The following PTAFR variants were observed in gnomAD, a reference collection of about 807,000 sequenced individuals.
The protein encoded by PTAFR is platelet-activating factor receptor.
Under a neutral mutation model 14.7 loss-of-function variants are expected in PTAFR, and 8 were observed. The ratio of observed to expected loss-of-function variants is 0.54; its 90% CI spans 0.32 to 0.98. The LOEUF is 0.98. PTAFR is among the 50% of genes least tolerant of loss of function. PTAFR has a pLI of 0.04. For missense variants in PTAFR, 337 were observed against 451.2 expected (o/e 0.75, Z 2.29); for synonymous variants, 156 against 176.5 (o/e 0.88, Z 0.92).
chr1:28,172,560 G>A (rs1348320640), intron 1 of PTAFR, among the ~76,000 whole-genome samples: 1 of 152,174 alleles, frequency 6.6e-6, no homozygotes, highest in African/African-American at 2.4e-5. Context: ...CCTTCCTCAC[G>A]GGGTGGTTGT....
At position 28,149,954 on chromosome 1, in the gene PTAFR, T is replaced by C. The variant is rs778112817; in HGVS notation, c.*39A>G. 1 of 1,575,136 alleles carries C rather than the reference T, an allele frequency of 6.3e-7. No individual in the cohort carries two copies. Among genetic ancestry groups the C allele is most frequent in the Non-Finnish European group, 8.6e-7 (1 of 1,157,602 alleles). ...CTTCTTCCCCCAGCTCAGTCCATGATGTTCATGGAGGAGAAGACTTCAGGC... is the reference window on the plus strand; with the variant it reads ...CTTCTTCCCCCAGCTCAGTCCATGACGTTCATGGAGGAGAAGACTTCAGGC... On this transcript the variant is annotated 3_prime_UTR_variant, in exon 2 of 2. Transcript: ENST00000373857.
chr1:28,162,835 A>AT (rs1179192848), intron 1 of PTAFR, among the ~76,000 whole-genome samples: 1 of 150,112 alleles, frequency 6.7e-6, no homozygotes, highest in Admixed American at 6.6e-5. Flanking sequence ...TCTCCAAAAA[A>AT]AAAAAAAAAA....
upstream of PTAFR, among the ~76,000 whole-genome samples, chr1:28,181,567 A>C (rs1004439393): frequency 6.6e-6 from 1 of 152,002 alleles, no homozygotes; most frequent in African/African-American, 2.4e-5. Flanking sequence ...AACATGGAGA[A>C]ACCCCGTCTC....
At chr1:28,183,743 G>C (rs909622913) in intron 1 of PTAFR, among the ~76,000 whole-genome samples, 4 of 151,930 alleles carry the variant, frequency 2.6e-5, no homozygotes, top group African/African-American at 9.7e-5. Flanking sequence ...AAAATTAGCC[G>C]GGCGTGGTGG....
chr1:28,161,835 T>G (rs1646327550), intron 1 of PTAFR, among the ~76,000 whole-genome samples: 1 of 152,180 alleles, frequency 6.6e-6, no homozygotes, highest in Non-Finnish European at 1.5e-5. Flanking sequence ...TGTATAAGCT[T>G]TAGTAACCTA....
At chr1:28,168,053 G>A (rs1646408819) in intron 1 of PTAFR, among the ~76,000 whole-genome samples, 1 of 145,116 alleles carries the variant, frequency 6.9e-6, no homozygotes, top group Non-Finnish European at 1.5e-5. Context: ...CCGCCTCCCG[G>A]GTTCACGCCA....
intron 1 of PTAFR, among the ~76,000 whole-genome samples, chr1:28,165,737 C>T (rs1484516527): frequency 6.6e-6 from 1 of 151,768 alleles, no homozygotes. Context: ...GAGCCGAGAT[C>T]GTGCCACTGC....
intron 1 of PTAFR, among the ~76,000 whole-genome samples, chr1:28,151,546 TG>T: frequency 6.6e-6 from 1 of 152,022 alleles, no homozygotes; most frequent in South Asian, 2.1e-4. Flanking sequence ...GAGGGTGGAA[TG>T]GGATTAGCAC....
In PTAFR at chr1:28,150,221, G is replaced by C; in HGVS notation, c.801C>G (p.Phe267Leu). 1 of 1,613,750 alleles carries C rather than the reference G, an allele frequency of 6.2e-7. No individual in the cohort carries two copies. The highest frequency in any genetic ancestry group is 8.5e-7 in the Non-Finnish European group (1 of 1,179,686). The part of the protein sequence containing the change: ...LAELGFQDSK[F>L]HQAINDAHQV... Reference sequence around the variant, plus strand: ...GATGTGCATCATTAATGGCCTGGTGGAATTTGCTGTCCTGGAAGCCCAGCT... The same window carrying C: ...GATGTGCATCATTAATGGCCTGGTGCAATTTGCTGTCCTGGAAGCCCAGCT... Residue 267 changes from phenylalanine (F) to leucine (L), a missense_variant, in exon 2 of 2, where the codon TTC becomes TTG. By Grantham distance (22) the Phe-to-Leu change is conservative. Coordinates refer to ENST00000373857, the MANE Select transcript of PTAFR (RefSeq NM_000952.5). This position sits in a 1 kb window ranked among gnomAD's most constrained non-coding sequence, Gnocchi z 6.3.
At chr1:28,158,494 T>C (rs1437882705) in intron 1 of PTAFR, among the ~76,000 whole-genome samples, 1 of 152,118 alleles carries the variant, frequency 6.6e-6, no homozygotes, top group South Asian at 2.1e-4. Flanking sequence ...GGTCAGGAGT[T>C]TGAGACCAGC....
chr1:28,182,343 AAG>A (rs992770740), intron 1 of PTAFR, among the ~76,000 whole-genome samples: 3 of 151,272 alleles, frequency 2.0e-5, no homozygotes, highest in South Asian at 2.1e-4. Flanking sequence ...CAAAAAAAGA[AAG>A]AGAGAGAGAG....
chr1:28,164,489 C>A (rs1646360704), intron 1 of PTAFR, among the ~76,000 whole-genome samples: 1 of 152,064 alleles, frequency 6.6e-6, no homozygotes, highest in Admixed American at 6.6e-5. Flanking sequence ...AGGCTGGAGC[C>A]CCCCTAATTT....
upstream of PTAFR, among the ~76,000 whole-genome samples, chr1:28,180,046 T>C (rs1646549729): frequency 1.3e-5 from 2 of 151,706 alleles, no homozygotes; most frequent in Admixed American, 6.6e-5. Flanking sequence ...CAGTGGCTCA[T>C]GCCTGTAATC....
intron 1 of PTAFR, among the ~76,000 whole-genome samples, chr1:28,182,761 ACCTCCG>A (rs1363617734): frequency 1.3e-5 from 2 of 151,958 alleles, no homozygotes; most frequent in African/African-American, 4.8e-5. Flanking sequence ...GCTCCCTGCA[ACCTCCG>A]CCTCCCGCTT....
In PTAFR at chr1:28,163,781, C is replaced by T. The variant is rs11580703; in HGVS notation, c.-38-12722G>A. Among the ~76,000 whole-genome samples the T allele has an allele frequency of 2.6e-5, 4 of 152,226 alleles. No homozygotes were observed. The East Asian group carries it at 7.7e-4, about 29-fold the overall frequency. ...CCAACATTGACCTAGGGGCTTTGACCTACACACTGGCTTTCCTGCCAGCTC... is the reference window on the plus strand; with the variant it reads ...CCAACATTGACCTAGGGGCTTTGACTTACACACTGGCTTTCCTGCCAGCTC... On this transcript the variant is annotated intron_variant, in intron 1 of 1. Transcript: ENST00000373857.
chr1:28,154,210 C>A (rs551914003), intron 1 of PTAFR, among the ~76,000 whole-genome samples: 1 of 151,520 alleles, frequency 6.6e-6, no homozygotes, highest in African/African-American at 2.4e-5. Flanking sequence ...CTCACACAAA[C>A]ACTTTGCCAT....
chr1:28,184,200 C>A (rs1572050105), intron 1 of PTAFR, among the ~76,000 whole-genome samples: 1 of 145,352 alleles, frequency 6.9e-6, no homozygotes, highest in African/African-American at 2.5e-5. Context: ...TCAAGCAATT[C>A]TCCTGCATCA....
In PTAFR at chr1:28,149,313, A is replaced by C. The variant is rs1397196709; in HGVS notation, c.*680T>G. 1.5e-5 allele frequency: 2 copies of C among 132,244 alleles called. No individual in the cohort carries two copies. Among genetic ancestry groups the C allele is most frequent in the Non-Finnish European group, 3.2e-5 (2 of 63,270 alleles). 8.2% of individuals were successfully genotyped at this position (132,244 alleles called of 1,614,324 possible). ...CAGTCTACCTCTATCACTTGAGAGT[A>C]GTTGCCCAAAGCTTTTTTTTTTTTT... On this transcript the variant is annotated 3_prime_UTR_variant, in exon 2 of 2. Transcript: ENST00000373857.
rs145216554 is a variant in PTAFR at position 28,150,071 on chromosome 1, G to A, written c.951C>T (p.Cys317=). 1.3e-5 allele frequency: 21 copies of A among 1,614,218 alleles called. No individual in the cohort carries two copies. The highest frequency in any genetic ancestry group is 1.7e-5 in the Non-Finnish European group (20 of 1,180,038). ...KFYSMRSSRK[C]SRATTDTVTE... Reference sequence around the variant, plus strand: ...TGACCGTATCCGTGGTGGCCCGGGAGCATTTCCGGCTACTGCGCATGCTGT... The same window carrying A: ...TGACCGTATCCGTGGTGGCCCGGGAACATTTCCGGCTACTGCGCATGCTGT... Residue 317 remains cysteine, a synonymous_variant, in exon 2 of 2, where the codon TGC becomes TGT. Coordinates refer to ENST00000373857, the MANE Select transcript of PTAFR (RefSeq NM_000952.5). The surrounding 1 kb of genome is among the most constrained non-coding windows in gnomAD (Gnocchi z 6.3).
Sources: allele counts gnomAD v4.1 joint callset (sites outside exome capture counted in the v4.1 genomes callset), GRCh38; gene constraint gnomAD v4.1.1; non-coding constraint Gnocchi (gnomAD v3.1); transcripts MANE v1.5; gene names NCBI Gene and HGNC (gene_info 2026-07-23, HGNC 2026-07-21).